The following NSD3 variants were observed in gnomAD, a reference collection of about 807,000 sequenced individuals.
NSD3 encodes nuclear receptor binding SET domain protein 3.
NSD3 carries 24 observed loss-of-function variants against 160.8 expected under a neutral mutation model. The observed-to-expected ratio is 0.15, with a 90% CI of 0.11 to 0.21. The LOEUF (loss-of-function observed/expected upper bound fraction) is 0.21, where lower values mean the gene tolerates loss of function less well. NSD3 is among the 10% of genes least tolerant of loss of function. The pLI is 1.00. For missense variants in NSD3, 1,157 were observed against 1,735.9 expected, an observed-to-expected ratio of 0.67 and a Z score of 5.93; for synonymous variants, 520 against 600.0, an observed-to-expected ratio of 0.87 and a Z score of 1.95.
intron 1 of NSD3, among the ~76,000 whole-genome samples, chr8:38,358,609 A>C (rs1485766461): frequency 2.0e-5 from 3 of 152,180 alleles, no homozygotes; most frequent in Non-Finnish European, 4.4e-5. Flanking sequence ...TTTGTTTTAA[A>C]CGCAGTACAT....
intron 14 of NSD3, among the ~76,000 whole-genome samples, chr8:38,301,322 A>G (rs1335190473): frequency 1.3e-5 from 2 of 152,240 alleles, no homozygotes; most frequent in East Asian, 1.9e-4. Context: ...TCACGCCTGT[A>G]ATCCCAGCAC....
In NSD3 at chr8:38,377,882, C is replaced by G. The variant is rs189529285; in HGVS notation, c.-45+3917G>C. ...GGGAGGTGAAGTCTGCAGTGAGCCA[C>G]GATCGCGCCACTGCACTCCAGCCTG... On this transcript the variant is annotated intron_variant, in intron 1 of 23. Transcript: ENST00000317025. Among the ~76,000 whole-genome samples the G allele has an allele frequency of 3.2e-3, 490 of 151,996 alleles. 3 individuals carry two copies. Among genetic ancestry groups the G allele is most frequent in the Admixed American group, 8.6e-3 (131 of 15,294 alleles).
In NSD3 at chr8:38,337,162, A is replaced by G. The variant is rs1423944165; in HGVS notation, c.910+143T>C. The G allele has an allele frequency of 1.6e-5, 14 of 882,096 alleles. 1 individual carries two copies. The highest frequency in any genetic ancestry group is 1.5e-4 in the South Asian group (4 of 25,834). The allele number at this position is 882,096 out of a possible 1,614,324, so 54.6% of individuals were successfully genotyped here. ...CGTCTCAAAAAAAAAAAGAAAAAAA[A>G]AAAATCCACAAAACTGATACGGATA... On this transcript the variant is annotated intron_variant, in intron 4 of 23. Transcript: ENST00000317025.
intron 23 of NSD3, 61 bp downstream of exon 23, chr8:38,276,235 T>A: frequency 1.9e-6 from 3 of 1,541,550 alleles, no homozygotes; most frequent in Non-Finnish European, 2.7e-6. Flanking sequence ...GAATATATTG[T>A]GAGTTACACA....
At chr8:38,350,338 C>G (rs1415908402) in intron 1 of NSD3, among the ~76,000 whole-genome samples, 1 of 152,204 alleles carries the variant, frequency 6.6e-6, no homozygotes, top group Non-Finnish European at 1.5e-5. Context: ...CACACCCTCT[C>G]CAGCACCTGT....
chr8:38,315,375 A>C, intron 11 of NSD3, 41 bp downstream of exon 11: 1 of 1,507,054 alleles, frequency 6.6e-7, no homozygotes, highest in South Asian at 1.4e-5. Flanking sequence ...GCAGAATATA[A>C]TAGCAATTAT....
intron 19 of NSD3, among the ~76,000 whole-genome samples, chr8:38,287,054 G>T (rs545525258): frequency 6.6e-6 from 1 of 152,242 alleles, no homozygotes; most frequent in East Asian, 1.9e-4. Context: ...GTTCACTATT[G>T]TTTTCCAAGT....
chr8:38,292,409 G>A (rs553867468), intron 16 of NSD3, among the ~76,000 whole-genome samples: 4 of 152,290 alleles, frequency 2.6e-5, no homozygotes, highest in South Asian at 2.1e-4. Flanking sequence ...CACTTGGGGA[G>A]GTTGTGGCGG....
chr8:38,348,289 T>C (rs1006910737), intron 1 of NSD3, 74 bp from the exon 2 acceptor site: 1 of 1,218,246 alleles, frequency 8.2e-7, no homozygotes, highest in South Asian at 1.7e-5. Flanking sequence ...TGAAAAAGGA[T>C]TAAACTAAAA....
At chr8:38,343,260 A>G (rs1810423491) in intron 2 of NSD3, among the ~76,000 whole-genome samples, 1 of 152,220 alleles carries the variant, frequency 6.6e-6, no homozygotes. Flanking sequence ...TATTACTTAT[A>G]TAAATTTCAA....
In NSD3 at chr8:38,319,295, C is replaced by G. The variant is rs1340227289; in HGVS notation, c.1810-355G>C. On this transcript the variant is annotated intron_variant, in intron 8 of 23. Transcript: ENST00000317025. The surrounding 1 kb of genome is among the most constrained non-coding windows in gnomAD (Gnocchi z 4.1). The stretch of plus-strand genomic sequence containing the variant: ...CCCCAATGTTGCTAAAAACCCCTCC[C>G]GCCCCAAAGACGTTAGGATAAATTT... 1 of 200,094 alleles carries G rather than the reference C, an allele frequency of 5.0e-6. No individual in the cohort carries two copies. The highest frequency in any genetic ancestry group is 1.0e-5 in the Non-Finnish European group (1 of 100,052). The allele number at this position is 200,094 out of a possible 1,614,324, so 12.4% of individuals were successfully genotyped here. A position where few individuals can be genotyped will look rare whatever the true frequency, so the allele number is the denominator to read the frequency against.
rs35184943 is a variant in NSD3, at chr8:38,350,973, CT to C, written c.-44-2759del. On this transcript the variant is annotated intron_variant, in intron 1 of 23. Transcript: ENST00000317025. Reference sequence around the variant, plus strand: ...CAACAAACATTTCTTCTAGAAAGTTCTTTTTTTTTTTTTTTTGAGATGGAGT... The same window carrying C: ...CAACAAACATTTCTTCTAGAAAGTTCTTTTTTTTTTTTTTTGAGATGGAGT... 8.4e-3 allele frequency among the ~76,000 whole-genome samples: 1,124 copies of C among 134,072 alleles called. 8 individuals are homozygous for C. Among genetic ancestry groups the C allele is most frequent in the African/African-American group, 0.022 (815 of 36,268 alleles). The allele number at this position is 134,072 out of a possible 152,430, so 88.0% of individuals were successfully genotyped here.
rs1412870815 is a variant in NSD3 at position 38,314,889 on chromosome 8, T to C, written c.2116-116A>G. Reference sequence around the variant, plus strand: ...CACCCACAGACTGTGATTCAGTAGGTCTGGCGGGGGCCCCAAGAATGTGCA... The same window carrying C: ...CACCCACAGACTGTGATTCAGTAGGCCTGGCGGGGGCCCCAAGAATGTGCA... On this transcript the variant is annotated intron_variant, in intron 11 of 23. Coordinates refer to ENST00000317025, the MANE Select transcript of NSD3 (RefSeq NM_023034.2). 3.5e-6 allele frequency: 4 copies of C among 1,154,684 alleles called. No individual in the cohort carries two copies. The Admixed American group carries it at 7.0e-5, about 20-fold the overall frequency. The allele number at this position is 1,154,684 out of a possible 1,614,324, so 71.5% of individuals were successfully genotyped here. A position where few individuals can be genotyped will look rare whatever the true frequency, so the allele number is the denominator to read the frequency against.
intron 1 of NSD3, among the ~76,000 whole-genome samples, chr8:38,348,940 T>C (rs1047632553): frequency 3.3e-5 from 5 of 152,126 alleles, no homozygotes; most frequent in Non-Finnish European, 7.4e-5. Context: ...ATTATAGGCG[T>C]CAGCCACCAC....
intron 1 of NSD3, among the ~76,000 whole-genome samples, chr8:38,375,226 A>G (rs1277284145): frequency 6.6e-6 from 1 of 152,164 alleles, no homozygotes. Context: ...ACTTGCTCTA[A>G]GTAGCCCTAA....
intron 1 of NSD3, among the ~76,000 whole-genome samples, chr8:38,374,582 C>T (rs1811342057): frequency 6.6e-6 from 1 of 152,066 alleles, no homozygotes; most frequent in Admixed American, 6.5e-5. Flanking sequence ...CAGAGCCAGA[C>T]CCTGTCTCAC....
Position 38,275,658 on chromosome 8 carries a change from C to T in NSD3, c.4297G>A (p.Glu1433Lys). 6.2e-7 allele frequency: 1 copy of T among 1,613,998 alleles called. No homozygotes were observed. The highest frequency in any genetic ancestry group is 1.1e-5 in the South Asian group (1 of 91,060). Residue 1433 changes from glutamate to lysine, a missense_variant, in exon 24 of 24, where the codon GAA becomes AAA. Around this residue, in one of 10 missense-constraint regions of NSD3, gnomAD observed 222 missense variants for 409.9 expected, o/e 0.54. Coordinates refer to ENST00000317025, the MANE Select transcript of NSD3 (RefSeq NM_023034.2). ...KCKWESQDHG[E>K]EVKE ...CCACACATTTATTCTTTTACTTCTTCTCCATGATCTTGTGATTCCCATTTA... is the reference window on the plus strand; with the variant it reads ...CCACACATTTATTCTTTTACTTCTTTTCCATGATCTTGTGATTCCCATTTA...
At chr8:38,313,053 T>A (rs1385029291) in intron 12 of NSD3, among the ~76,000 whole-genome samples, 1 of 152,206 alleles carries the variant, frequency 6.6e-6, no homozygotes, top group African/African-American at 2.4e-5. Context: ...GATGTGCAGA[T>A]AATATGACCC....
rs202198122 is a variant in NSD3, at chr8:38,337,353, C to T, written c.862G>A (p.Val288Ile). The change falls in exon 4 of 24, where the codon GTT becomes ATT. Residue 288 changes from valine to isoleucine, a missense_variant. Transcript: ENST00000317025. ...ACCTCAAGCTGGGGATCACTTGAAA[C>T]CATACAAGGCCACCAAGGATAGGTT... ...VGTYPWWPCM[V>I]SSDPQLEVHT... 16 of 1,611,546 alleles carry T rather than the reference C, an allele frequency of 9.9e-6. No homozygotes were observed. Among genetic ancestry groups the T allele is most frequent in the African/African-American group, 1.3e-5 (1 of 74,846 alleles).
Sources: gnomAD v4.1 joint callset for allele counts (sites outside exome capture counted in the v4.1 genomes callset) on GRCh38, gnomAD v4.1.1 for gene constraint, gnomAD v4.1.1 regional missense constraint, Gnocchi (gnomAD v3.1) non-coding constraint, MANE v1.5 for transcripts, NCBI Gene and HGNC (gene_info 2026-07-23, HGNC 2026-07-21) for gene names.